The following KDM4C variants were observed in gnomAD, a reference collection of about 807,000 sequenced individuals.
The protein encoded by KDM4C is lysine demethylase 4C.
Under a neutral mutation model 129.3 loss-of-function variants are expected in KDM4C, and 81 were observed. The ratio of observed to expected loss-of-function variants is 0.63; its 90% CI spans 0.52 to 0.75. The LOEUF (loss-of-function observed/expected upper bound fraction) is 0.75. Ranked by LOEUF, KDM4C falls within the 30% of genes least tolerant of loss-of-function variation. The probability of loss-of-function intolerance (pLI) is 0.00; values close to 1 mark genes in which losing one functional copy is unlikely to be tolerated. For missense variants in KDM4C, 1,457 were observed against 1,304.0 expected, an observed-to-expected ratio of 1.12 and a Z score of -1.81; for synonymous variants, 573 against 456.1, an observed-to-expected ratio of 1.26 and a Z score of -3.26.
chr9:6,747,136 T>C lies in KDM4C; in HGVS notation c.49+26139T>C, dbSNP rs993208433. Among the ~76,000 whole-genome samples, 9 of 151,328 alleles carry C rather than the reference T, an allele frequency of 5.9e-5. No individual in the cohort carries two copies. In the South Asian group the frequency reaches 1.9e-3, roughly 32 times the overall value. On this transcript the variant is annotated intron_variant, in intron 1 of 17. Coordinates refer to the KDM4C transcript ENST00000536108. ...TGAGCCCAGGGAGTTGGGGCTGCCA[T>C]GAGCCAAGATCACTCCACTGCACTT...
chr9:6,774,486 G>A (rs1235117926), intron 1 of KDM4C, among the ~76,000 whole-genome samples: 3 of 151,990 alleles, frequency 2.0e-5, no homozygotes, highest in Non-Finnish European at 2.9e-5. Context: ...GCAAAATGGC[G>A]AGACCCTGTC....
In KDM4C at chr9:6,857,946, T is replaced by TA. The variant is rs1554721748; in HGVS notation, c.629+8247dup. Among the ~76,000 whole-genome samples, 24 of 140,270 alleles carry TA rather than the reference T, an allele frequency of 1.7e-4. 1 individual carries two copies. In the Admixed American group the frequency reaches 1.8e-3, roughly 11 times the overall value. The allele number at this position is 140,270 out of a possible 152,430, so 92.0% of individuals were successfully genotyped here. On this transcript the variant is annotated intron_variant, in intron 5 of 21. Transcript: ENST00000381309. The stretch of plus-strand genomic sequence containing the variant: ...AGTTTTTTTTTTTTTTTTTTTTTTT[T>TA]AGAGATGGGGTTTTGCTATGTTGCC...
chr9:6,805,797 TTC>T (rs778626053), intron 3 of KDM4C, 23 bp downstream of exon 3: 1 of 1,593,766 alleles, frequency 6.3e-7, no homozygotes, highest in South Asian at 1.1e-5. Context: ...AGTTTGCTAT[TTC>T]TGTTTCCTTC....
intron 17 of KDM4C, among the ~76,000 whole-genome samples, chr9:7,073,636 G>A (rs895932079): frequency 1.3e-5 from 2 of 152,180 alleles, no homozygotes; most frequent in African/African-American, 2.4e-5. Context: ...TCATTTCAGA[G>A]TACTTTAAAT....
chr9:6,808,616 G>A (rs1464867925), intron 3 of KDM4C, among the ~76,000 whole-genome samples: 1 of 145,148 alleles, frequency 6.9e-6, no homozygotes, highest in Non-Finnish European at 1.5e-5. Context: ...TTGTTTATCT[G>A]CTGACCTTCC....
chr9:7,002,081 C>T (rs1482563508), intron 12 of KDM4C, among the ~76,000 whole-genome samples: 1 of 152,086 alleles, frequency 6.6e-6, no homozygotes, highest in African/African-American at 2.4e-5. Context: ...TTAGTAGAGA[C>T]AGGGTTTCTC....
chr9:7,141,513 A>G (rs1009055138), intron 19 of KDM4C, among the ~76,000 whole-genome samples: 3 of 152,212 alleles, frequency 2.0e-5, no homozygotes, highest in Non-Finnish European at 4.4e-5. Context: ...GGTAAAATCA[A>G]GAGTACCAGG....
At chr9:6,734,301 T>G (rs1381511666) in intron 1 of KDM4C, among the ~76,000 whole-genome samples, 1 of 146,986 alleles carries the variant, frequency 6.8e-6, no homozygotes, top group Non-Finnish European at 1.5e-5. Flanking sequence ...TTTTTTTTTT[T>G]TTTTTTTTTT....
rs1315785748 is a variant in KDM4C at position 7,169,828 on chromosome 9, A to G, written c.2932A>G (p.Met978Val). ...VEFEDGSQIA[M>V]KREDIYTLDE... ...GTTTGAAGATGGATCCCAGATAGCA[A>G]TGAAGAGAGAGGACATCTACACTTT... Residue 978 changes from methionine (M) to valine (V), a missense_variant, in exon 21 of 22, where the codon ATG becomes GTG. Met to Val is a conservative substitution (Grantham distance 21). Coordinates refer to ENST00000381309, the MANE Select transcript of KDM4C (RefSeq NM_015061.6). 2 of 1,611,350 alleles carry G rather than the reference A, an allele frequency of 1.2e-6. No homozygotes were observed. The highest frequency in any genetic ancestry group is 2.2e-5 in the East Asian group (1 of 44,770).
chr9:6,816,678 T>C (rs1832158244), intron 4 of KDM4C, among the ~76,000 whole-genome samples: 1 of 152,202 alleles, frequency 6.6e-6, no homozygotes, highest in African/African-American at 2.4e-5. Flanking sequence ...ACATCCTCCC[T>C]AACACTCGAT....
chr9:6,814,535 G>A, intron 3 of KDM4C, 96 bp from the exon 4 acceptor site: 1 of 689,510 alleles, frequency 1.5e-6, no homozygotes, highest in South Asian at 2.4e-5. Flanking sequence ...CGTTTTGGTA[G>A]GATTTTGTTT....
At chr9:7,140,684 C>T (rs10739117) in intron 19 of KDM4C, among the ~76,000 whole-genome samples, 85,167 of 152,024 alleles carry the variant, frequency 0.56, 24,044 homozygotes, top group East Asian at 0.68. Flanking sequence ...AGTTTTCTTA[C>T]AGTGAGCACC....
At chr9:7,063,907 G>T (rs1262423714) in intron 17 of KDM4C, among the ~76,000 whole-genome samples, 1 of 152,204 alleles carries the variant, frequency 6.6e-6, no homozygotes, top group Non-Finnish European at 1.5e-5. Context: ...GAAGCATGAA[G>T]AGGGAGCTCT....
intron 15 of KDM4C, among the ~76,000 whole-genome samples, chr9:7,021,018 C>G (rs1824729096): frequency 6.6e-6 from 1 of 151,494 alleles, no homozygotes; most frequent in Non-Finnish European, 1.5e-5. Flanking sequence ...CTCCTAGTCT[C>G]TGGCTTCATG....
intron 15 of KDM4C, among the ~76,000 whole-genome samples, chr9:7,045,611 G>A (rs995705736): frequency 6.6e-6 from 1 of 151,998 alleles, no homozygotes; most frequent in African/African-American, 2.4e-5. Context: ...TATGGATAGA[G>A]AAAATTCTTC....
intron 21 of KDM4C, chr9:7,170,481 A>T (rs1564205924): frequency 1.0e-6 from 1 of 981,988 alleles, no homozygotes; most frequent in South Asian, 4.7e-5. Flanking sequence ...ATGCCCTCAC[A>T]TACCATTAAA....
At chr9:6,881,652 A>G (rs568912053) in intron 6 of KDM4C, among the ~76,000 whole-genome samples, 1 of 152,258 alleles carries the variant, frequency 6.6e-6, no homozygotes, top group African/African-American at 2.4e-5. Flanking sequence ...TGAAAATGAC[A>G]TTCCAGAAAA....
intron 12 of KDM4C, among the ~76,000 whole-genome samples, chr9:6,991,464 C>G (rs1028676457): frequency 2.0e-5 from 3 of 151,846 alleles, no homozygotes; most frequent in Non-Finnish European, 4.4e-5. Context: ...TCGTAAGTGT[C>G]TTGTATATGT....
intron 17 of KDM4C, 110 bp from the exon 18 acceptor site, chr9:7,103,575 C>G: frequency 1.2e-6 from 1 of 820,048 alleles, no homozygotes; most frequent in Non-Finnish European, 1.9e-6. Flanking sequence ...TTGATGTAAT[C>G]AGTTGTTTTT....
Sources: allele counts gnomAD v4.1 joint callset (sites outside exome capture counted in the v4.1 genomes callset), GRCh38; gene constraint gnomAD v4.1.1; transcripts MANE v1.5; gene names NCBI Gene and HGNC (gene_info 2026-07-23, HGNC 2026-07-21).